MESP1: variants seen among roughly 807,000 people sequenced by gnomAD.
The protein encoded by MESP1 is mesoderm posterior bHLH transcription factor 1.
MESP1 carries 22 observed loss-of-function variants against 15.2 expected under a neutral mutation model. The ratio of observed to expected loss-of-function variants is 1.45; its 90% confidence interval spans 1.04 to 2.07. MESP1 has a LOEUF of 2.07. Ranked by LOEUF, MESP1 falls within the 30% of genes most tolerant of loss-of-function variation. MESP1 has a pLI of 0.00. For missense variants in MESP1, 484 were observed against 411.9 expected, an observed-to-expected ratio of 1.17 and a Z score of -1.51; for synonymous variants, 216 against 192.6, an observed-to-expected ratio of 1.12 and a Z score of -1.01.
the MESP1 span, among the ~76,000 whole-genome samples, chr15:89,739,142 G>A: frequency 6.6e-6 from 1 of 151,636 alleles, no homozygotes; most frequent in Non-Finnish European, 1.5e-5. Context: ...AGTATGTTTG[G>A]ATTATTAGAC....
At chr15:89,735,587 T>C in the MESP1 span, 3 of 1,594,750 alleles carry the variant, frequency 1.9e-6, no homozygotes, top group Non-Finnish European at 2.6e-6. Flanking sequence ...AAATGCCCCA[T>C]GCCTCTCATT....
chr15:89,750,889 G>A lies in MESP1; in HGVS notation c.343C>T (p.Pro115Ser). 2.0e-6 allele frequency: 3 copies of A among 1,498,998 alleles called. No individual in the cohort carries two copies. The highest frequency in any genetic ancestry group is 2.7e-6 in the Non-Finnish European group (3 of 1,130,250). 92.9% of individuals were successfully genotyped at this position (1,498,998 alleles called of 1,614,324 possible). ...LRRFLPPSVA[P>S]AGQSLTKIET... ...ATCTTGGTCAGGCTCTGGCCCGCGG[G>A]CGCCACGGACGGCGGTAGAAAGCGG... is the stretch of plus-strand genomic sequence containing the variant. Residue 115 changes from proline to serine, a missense_variant, in exon 1 of 2, where the codon CCC becomes TCC. Pro to Ser is a moderately conservative substitution (Grantham distance 74). Transcript: ENST00000300057.
chr15:89,751,071 C>T lies in MESP1; in HGVS notation c.161G>A (p.Ser54Asn). ...CCGGAGGGTGCCTGGCCGCGCGGGG[C>T]TCGCCACGGGGCTGTCGGCTGGGGT... ...GSTPADSPVA[S>N]PARPGTLRDP... The change falls in exon 1 of 2, where the codon AGC becomes AAC. Residue 54 changes from serine (S) to asparagine (N), a missense_variant. Transcript: ENST00000300057. 7.5e-7 allele frequency: 1 copy of T among 1,324,616 alleles called. No individual in the cohort carries two copies. The highest frequency in any genetic ancestry group is 3.0e-5 in the East Asian group (1 of 33,624). 82.1% of individuals were successfully genotyped at this position (1,324,616 alleles called of 1,614,324 possible).
chr15:89,733,057 T>G, the MESP1 span: 1 of 1,614,160 alleles, frequency 6.2e-7, no homozygotes, highest in South Asian at 1.1e-5. Context: ...TGCCAAAGCA[T>G]TCACTTCCTA....
the MESP1 span, among the ~76,000 whole-genome samples, chr15:89,735,935 AAG>A: frequency 1.3e-5 from 2 of 152,206 alleles, no homozygotes; most frequent in Admixed American, 1.3e-4. Context: ...CCATGGAGGC[AAG>A]AGAGCACCAC....
chr15:89,744,213 G>T, the MESP1 span, among the ~76,000 whole-genome samples: 2 of 152,218 alleles, frequency 1.3e-5, no homozygotes, highest in Non-Finnish European at 2.9e-5. Context: ...TGTGATGGCT[G>T]CTGTTTTGCA....
rs745528285 is a variant in MESP1, at chr15:89,750,783, C to T, written c.449G>A (p.Arg150Gln). The T allele has an allele frequency of 8.0e-6, 12 of 1,506,374 alleles. No individual in the cohort carries two copies. The African/African-American group carries it at 8.6e-5, about 11-fold the overall frequency. The allele number at this position is 1,506,374 out of a possible 1,614,324, so 93.3% of individuals were successfully genotyped here. Residue 150 changes from arginine (R) to glutamine (Q), a missense_variant, in exon 1 of 2, where the codon CGG becomes CAG. By Grantham distance (43) the Arg-to-Gln change is conservative. Transcript: ENST00000300057. ...CCCCGCGTCACCGCGCTGCCGGCAC[C>T]GGCGCTGGAGACTCTCCTCGCTGAG... Reference protein sequence around the residue: ...LGLSEESLQRRCRQRGDAGSP... With the variant: ...LGLSEESLQRQCRQRGDAGSP...
the MESP1 span, chr15:89,738,271 C>A: frequency 1.3e-6 from 2 of 1,538,190 alleles, no homozygotes; most frequent in Non-Finnish European, 8.8e-7. Flanking sequence ...CCTCCCACAT[C>A]TGAGGTTGTC....
rs370687876 is a variant in MESP1 at position 89,750,764 on chromosome 15, G to A, written c.468C>T (p.Asp156=). 402 of 1,489,542 alleles carry A rather than the reference G, an allele frequency of 2.7e-4. No homozygotes were observed. Among genetic ancestry groups the A allele is most frequent in the Non-Finnish European group, 3.4e-4 (385 of 1,124,598 alleles). 92.3% of individuals were successfully genotyped at this position (1,489,542 alleles called of 1,614,324 possible). A position where few individuals can be genotyped will look rare whatever the true frequency, so the allele number is the denominator to read the frequency against. ...GCGGGCAGCCCCGAGGGGACCCCGCGTCACCGCGCTGCCGGCACCGGCGCT... is the reference window on the plus strand; with the variant it reads ...GCGGGCAGCCCCGAGGGGACCCCGCATCACCGCGCTGCCGGCACCGGCGCT... ...SLQRRCRQRG[D]AGSPRGCPLC... The change falls in exon 1 of 2, where the codon GAC becomes GAT. Residue 156 remains aspartate, a synonymous_variant. Transcript: ENST00000300057.
At chr15:89,746,478 T>C (rs1227074890), downstream of MESP1, among the ~76,000 whole-genome samples, 9 of 115,156 alleles carry the variant, frequency 7.8e-5, no homozygotes, top group African/African-American at 3.1e-4. Context: ...CACACAGCCC[T>C]GCCTCTACAC....
At chr15:89,732,642 C>G in the MESP1 span, among the ~76,000 whole-genome samples, 2 of 151,012 alleles carry the variant, frequency 1.3e-5, no homozygotes, top group African/African-American at 4.9e-5. Flanking sequence ...CACACACACA[C>G]CGCCTTTTCT....
chr15:89,734,774 C>T, the MESP1 span, among the ~76,000 whole-genome samples: 1 of 152,178 alleles, frequency 6.6e-6, no homozygotes, highest in East Asian at 1.9e-4. Context: ...CACTTGAGCT[C>T]AGGAGTTCAA....
At chr15:89,735,181 T>G in the MESP1 span, among the ~76,000 whole-genome samples, 1 of 152,100 alleles carries the variant, frequency 6.6e-6, no homozygotes, top group African/African-American at 2.4e-5. Context: ...CTCCAACTTG[T>G]TTTTCAATGG....
At chr15:89,741,053 T>C in the MESP1 span, among the ~76,000 whole-genome samples, 1 of 151,980 alleles carries the variant, frequency 6.6e-6, no homozygotes, top group African/African-American at 2.4e-5. Flanking sequence ...GGTAGGAGAA[T>C]TGCTTGAACT....
the MESP1 span, among the ~76,000 whole-genome samples, chr15:89,737,086 C>T: frequency 7.9e-5 from 12 of 152,180 alleles, no homozygotes; most frequent in Non-Finnish European, 1.5e-4. Flanking sequence ...CCATCGCGCC[C>T]GGCCAAAGGG....
the MESP1 span, chr15:89,738,198 G>A: frequency 6.2e-7 from 1 of 1,613,604 alleles, no homozygotes. Flanking sequence ...CCCAAGCACT[G>A]CCACTGGAGA....
chr15:89,745,217 C>T (rs555847437), downstream of MESP1, among the ~76,000 whole-genome samples: 1 of 152,262 alleles, frequency 6.6e-6, no homozygotes, highest in South Asian at 2.1e-4. This position sits in a 1 kb window ranked among gnomAD's most constrained non-coding sequence, Gnocchi z 4.8. Flanking sequence ...CCTTTCCCAG[C>T]GTGTGAGGGG....
chr15:89,732,987 G>C, the MESP1 span: 1 of 1,611,746 alleles, frequency 6.2e-7, no homozygotes, highest in African/African-American at 1.3e-5. Flanking sequence ...TGACCGGCTT[G>C]TGTGATTACT....
chr15:89,750,242 G>A lies in MESP1; in HGVS notation c.724-15C>T, dbSNP rs973479406. The A allele has an allele frequency of 4.3e-6, 7 of 1,613,206 alleles. No individual in the cohort carries two copies. The highest frequency in any genetic ancestry group is 2.2e-5 in the South Asian group (2 of 91,078). ...CCCGGAAGGAGCTGTAGGGAGAGAC[G>A]GAACAGCGCAGCCCTCAAGCACTGG... is the stretch of plus-strand genomic sequence containing the variant. On this transcript the variant is annotated splice_polypyrimidine_tract_variant and intron_variant, in intron 1 of 1. Transcript: ENST00000300057.
Sources: gnomAD v4.1 joint callset for allele counts (sites outside exome capture counted in the v4.1 genomes callset) on GRCh38, gnomAD v4.1.1 for gene constraint, Gnocchi (gnomAD v3.1) non-coding constraint, MANE v1.5 for transcripts, NCBI Gene and HGNC (gene_info 2026-07-23, HGNC 2026-07-21) for gene names.